MDGA2: variants seen among roughly 807,000 people sequenced by gnomAD.
MDGA2 encodes MAM domain containing glycosylphosphatidylinositol anchor 2, also known as MAM domain-containing glycosylphosphatidylinositol anchor protein 2.
Under a neutral mutation model 117.8 loss-of-function variants are expected in MDGA2, and 40 were observed. The ratio of observed to expected loss-of-function variants is 0.34; its 90% CI spans 0.26 to 0.44. The LOEUF (loss-of-function observed/expected upper bound fraction) is 0.44, where lower values mean the gene tolerates loss of function less well. Ranked by LOEUF, MDGA2 falls within the 20% of genes least tolerant of loss-of-function variation. The pLI is 1.00. For synonymous variants in MDGA2, 452 were observed against 439.0 expected (o/e 1.03, Z -0.37); for missense variants, 1,123 against 1,250.6 (o/e 0.90, Z 1.54).
At chr14:46,919,136 G>C (rs926573803) in intron 10 of MDGA2, among the ~76,000 whole-genome samples, 2 of 152,172 alleles carry the variant, frequency 1.3e-5, no homozygotes, top group African/African-American at 2.4e-5. Context: ...TGATAGAATA[G>C]CTGAATGAAT....
chr14:47,401,862 C>T (rs893969473), intron 1 of MDGA2, among the ~76,000 whole-genome samples: 1 of 152,154 alleles, frequency 6.6e-6, no homozygotes, highest in Non-Finnish European at 1.5e-5. Context: ...AAGATTGCTT[C>T]ATTGTGAAGT....
chr14:47,613,805 C>T (rs1896898060), intron 1 of MDGA2, among the ~76,000 whole-genome samples: 1 of 151,958 alleles, frequency 6.6e-6, no homozygotes, highest in Admixed American at 6.6e-5. Flanking sequence ...AAATAAACCC[C>T]CATTCACTTA....
At chr14:47,561,153 G>T (rs59943100) in intron 1 of MDGA2, among the ~76,000 whole-genome samples, 10,263 of 63,082 alleles carry the variant, frequency 0.16, 1,505 homozygotes, top group African/African-American at 0.33. Context: ...TTTTTTTTTT[G>T]TTTTGTTTTG....
chr14:47,301,207 CAA>C (rs1203811995), intron 2 of MDGA2, among the ~76,000 whole-genome samples: 2 of 151,594 alleles, frequency 1.3e-5, no homozygotes, highest in Admixed American at 6.6e-5. Context: ...AAGAATAGCT[CAA>C]GTTTGAATGT....
chr14:47,674,246 G>A (rs1401640411), intron 1 of MDGA2, among the ~76,000 whole-genome samples: 1 of 152,164 alleles, frequency 6.6e-6, no homozygotes, highest in Non-Finnish European at 1.5e-5. Flanking sequence ...TCCCCGCGGG[G>A]ATAAATCAAG....
intron 2 of MDGA2, among the ~76,000 whole-genome samples, chr14:47,294,223 C>G (rs1324482957): frequency 2.0e-5 from 3 of 150,460 alleles, no homozygotes; most frequent in African/African-American, 4.9e-5. Flanking sequence ...AGCATCCCGA[C>G]TAGCTGGAAC....
intron 9 of MDGA2, among the ~76,000 whole-genome samples, chr14:46,923,240 C>T (rs961282347): frequency 6.6e-6 from 1 of 152,120 alleles, no homozygotes; most frequent in South Asian, 2.1e-4. Flanking sequence ...CATGCTCTCA[C>T]AAAGACTTTC....
chr14:47,411,789 T>C (rs1892377272), intron 1 of MDGA2, among the ~76,000 whole-genome samples: 1 of 152,148 alleles, frequency 6.6e-6, no homozygotes, highest in South Asian at 2.1e-4. Context: ...TATTCTAAAA[T>C]GGATCATCAG....
At chr14:47,415,122 A>G (rs1892448460) in intron 1 of MDGA2, among the ~76,000 whole-genome samples, 1 of 152,126 alleles carries the variant, frequency 6.6e-6, no homozygotes, top group South Asian at 2.1e-4. Context: ...TGGAGGAACA[A>G]AACTGGATCC....
intron 9 of MDGA2, among the ~76,000 whole-genome samples, chr14:46,928,620 T>A (rs1884421546): frequency 6.6e-6 from 1 of 152,088 alleles, no homozygotes; most frequent in Non-Finnish European, 1.5e-5. Context: ...AGCATGCCAA[T>A]AACTGAATGT....
At chr14:47,456,060 G>A (rs982192648) in intron 1 of MDGA2, among the ~76,000 whole-genome samples, 3 of 151,644 alleles carry the variant, frequency 2.0e-5, no homozygotes, top group African/African-American at 7.3e-5. Flanking sequence ...AAGAACATGA[G>A]TGAGAATGGG....
chr14:47,013,790 A>ATATATATATATC (rs768237823), intron 8 of MDGA2, among the ~76,000 whole-genome samples: 5 of 133,106 alleles, frequency 3.8e-5, no homozygotes, highest in Admixed American at 1.5e-4. Context: ...ATATATATAT[A>ATATATATATATC]TATCTCCTTT....
intron 3 of MDGA2, among the ~76,000 whole-genome samples, chr14:47,187,267 A>G (rs901305135): frequency 5.3e-5 from 8 of 152,058 alleles, no homozygotes; most frequent in Admixed American, 2.0e-4. Flanking sequence ...AATATATACA[A>G]TAAGCATAAT....
chr14:47,212,976 C>T (rs1885940733), intron 3 of MDGA2, among the ~76,000 whole-genome samples: 1 of 152,116 alleles, frequency 6.6e-6, no homozygotes, highest in African/African-American at 2.4e-5. Context: ...CTTCTATTGT[C>T]GTGCTGCCCT....
intron 1 of MDGA2, among the ~76,000 whole-genome samples, chr14:47,464,904 A>C (rs1451474976): frequency 6.6e-6 from 1 of 152,070 alleles, no homozygotes; most frequent in African/African-American, 2.4e-5. Context: ...AAAAAAATAA[A>C]AACAAAGCCA....
chr14:47,404,953 AC>A (rs1892230539), intron 1 of MDGA2, among the ~76,000 whole-genome samples: 1 of 152,200 alleles, frequency 6.6e-6, no homozygotes, highest in South Asian at 2.1e-4. Context: ...ACCCATGAAA[AC>A]AATGATGAAA....
chr14:47,145,403 C>T (rs952528428), intron 3 of MDGA2, among the ~76,000 whole-genome samples: 2 of 152,154 alleles, frequency 1.3e-5, no homozygotes, highest in East Asian at 1.9e-4. Context: ...ACTCCTCAAC[C>T]AGCTTTGGCT....
In MDGA2 at chr14:46,955,723, C is replaced by T. The variant is rs367781867; in HGVS notation, c.2089+1651G>A. Among the ~76,000 whole-genome samples the T allele has an allele frequency of 1.1e-3, 164 of 146,672 alleles. 1 individual carries two copies. The highest frequency in any genetic ancestry group is 4.1e-3 in the African/African-American group (154 of 37,982). ...ACGTCATTGCATTTTAGTTCAATTCCGTACATTTCGGTGTATAGGTAGATC... is the reference window on the plus strand; with the variant it reads ...ACGTCATTGCATTTTAGTTCAATTCTGTACATTTCGGTGTATAGGTAGATC... On this transcript the variant is annotated intron_variant, in intron 9 of 16. Transcript: ENST00000399232.
chr14:46,964,941 T>TTTTTTTTA (rs1292627964), intron 8 of MDGA2, among the ~76,000 whole-genome samples: 3 of 112,058 alleles, frequency 2.7e-5, no homozygotes, highest in Non-Finnish European at 1.6e-5. Flanking sequence ...TTTTTTTTTT[T>TTTTTTTTA]GAGACAGAGT....
Sources: gnomAD v4.1 joint callset for allele counts (sites outside exome capture counted in the v4.1 genomes callset) on GRCh38, gnomAD v4.1.1 for gene constraint, MANE v1.5 for transcripts, NCBI Gene and HGNC (gene_info 2026-07-23, HGNC 2026-07-21) for gene names.